BCAR1: variants seen among roughly 807,000 people sequenced by gnomAD.
BCAR1 encodes the protein BCAR1 scaffold protein, Cas family member, also known as breast cancer anti-estrogen resistance protein 1.
BCAR1 carries 30 observed loss-of-function variants against 67.6 expected under a neutral mutation model. That is an observed-to-expected ratio of 0.44 (90% CI 0.33 to 0.60). The LOEUF (loss-of-function observed/expected upper bound fraction) is 0.60, where lower values mean the gene tolerates loss of function less well. Ranked by LOEUF, BCAR1 falls within the 20% of genes least tolerant of loss-of-function variation. The probability of loss-of-function intolerance (pLI) is 0.02; values close to 1 mark genes in which losing one functional copy is unlikely to be tolerated. For synonymous variants in BCAR1, 626 were observed against 556.7 expected, an observed-to-expected ratio of 1.12 and a Z score of -1.75; for missense variants, 1,313 against 1,222.3, an observed-to-expected ratio of 1.07 and a Z score of -1.11.
intron 1 of BCAR1, chr16:75,264,000 C>T: frequency 8.3e-7 from 1 of 1,198,376 alleles, no homozygotes; most frequent in Non-Finnish European, 1.0e-6. Flanking sequence ...AAGACCTCTG[C>T]CCACCCCCAG....
intron 1 of BCAR1, among the ~76,000 whole-genome samples, chr16:75,260,403 C>T (rs1021970110): frequency 6.6e-6 from 1 of 151,966 alleles, no homozygotes; most frequent in African/African-American, 2.4e-5. Flanking sequence ...CTTCAGGAGG[C>T]GGAGGCAGAC....
chr16:75,238,413 A>T (rs1184419170), intron 2 of BCAR1: 19 of 1,056,072 alleles, frequency 1.8e-5, no homozygotes, highest in Non-Finnish European at 2.2e-5. Flanking sequence ...CTCCCCGCAC[A>T]TCCCCCAGGG....
At chr16:75,251,065 C>A (rs1403545154) in intron 1 of BCAR1, 16 of 808,788 alleles carry the variant, frequency 2.0e-5, no homozygotes, top group Non-Finnish European at 2.4e-5. Context: ...AGTCCCCACG[C>A]CACACCAGCC....
chr16:75,238,291 G>A (rs962237901), intron 2 of BCAR1: 2 of 1,156,220 alleles, frequency 1.7e-6, no homozygotes, highest in Non-Finnish European at 2.2e-6. Context: ...CAGCCCCCGG[G>A]CACACTGCGC....
upstream of BCAR1, chr16:75,252,538 C>G: frequency 1.1e-6 from 1 of 889,550 alleles, no homozygotes; most frequent in Non-Finnish European, 1.6e-6. Flanking sequence ...GTGCCAGAGC[C>G]CCTGGGCCAG....
At chr16:75,238,305 C>T in intron 2 of BCAR1, 1 of 1,145,480 alleles carries the variant, frequency 8.7e-7, no homozygotes, top group Non-Finnish European at 1.1e-6. Flanking sequence ...ACTGCGCCCA[C>T]ACGCCTCCAC....
chr16:75,238,803 C>CAGCGGGGCA (rs1567600897), intron 2 of BCAR1: 2 of 985,446 alleles, frequency 2.0e-6, no homozygotes, highest in African/African-American at 3.5e-5. Context: ...GACCTGCCAA[C>CAGCGGGGCA]AGCGGGGCAG....
chr16:75,267,871 C>A, intron 1 of BCAR1: 1 of 1,565,562 alleles, frequency 6.4e-7, no homozygotes, highest in Non-Finnish European at 8.7e-7. Context: ...GTAACTCAGC[C>A]CTTAGCAGGG....
At chr16:75,254,021 G>A (rs939776713), upstream of BCAR1, among the ~76,000 whole-genome samples, 12 of 149,936 alleles carry the variant, frequency 8.0e-5, no homozygotes, top group Non-Finnish European at 1.5e-4. Context: ...GGCTGGTCTC[G>A]AACTCCTGAC....
intron 1 of BCAR1, chr16:75,264,757 G>T: frequency 2.5e-6 from 2 of 807,446 alleles, no homozygotes; most frequent in Non-Finnish European, 3.2e-6. Flanking sequence ...CCCACTGCCT[G>T]CTTCACGGAA....
intron 1 of BCAR1, among the ~76,000 whole-genome samples, chr16:75,265,523 G>A (rs1156920168): frequency 1.3e-5 from 2 of 152,092 alleles, no homozygotes; most frequent in Admixed American, 1.3e-4. Context: ...GCTGTCCCAG[G>A]GGTTTCCCGG....
At chr16:75,253,739 G>T (rs1286711424), upstream of BCAR1, among the ~76,000 whole-genome samples, 1 of 152,050 alleles carries the variant, frequency 6.6e-6, no homozygotes, top group Admixed American at 6.6e-5. Flanking sequence ...TGGGGATGTA[G>T]CTGGGGGGTG....
upstream of BCAR1, among the ~76,000 whole-genome samples, chr16:75,255,369 T>C (rs1048568745): frequency 2.6e-5 from 4 of 152,076 alleles, no homozygotes; most frequent in Non-Finnish European, 5.9e-5. Flanking sequence ...AGAAACGGTA[T>C]CTCTGGAGGG....
intron 3 of BCAR1, 82 bp from the exon 4 acceptor site, chr16:75,237,080 C>T (rs934786291): frequency 1.0e-4 from 151 of 1,514,124 alleles, no homozygotes; most frequent in Non-Finnish European, 1.3e-4. Flanking sequence ...AGCACCGTCC[C>T]CAGGCCTGGC....
At chr16:75,264,318 T>C in intron 1 of BCAR1, 2 of 1,449,344 alleles carry the variant, frequency 1.4e-6, no homozygotes, top group East Asian at 2.6e-5. Context: ...GTGGCCAGAG[T>C]GACATTCCCT....
chr16:75,236,803 C>G (rs780262071), intron 4 of BCAR1, 79 bp downstream of exon 4: 1 of 1,517,452 alleles, frequency 6.6e-7, no homozygotes, highest in South Asian at 1.4e-5. Flanking sequence ...CCTGCAGACA[C>G]TGGTCAGCAC....
At position 75,251,465 on chromosome 16, in the gene BCAR1, C is replaced by T; in HGVS notation, c.12+6G>A. ...TACGCGGCCCGGCCCCACCTGGCGCCCTCACCAGGTGGTTCATGGTGTCCG... is the reference window on the plus strand; with the variant it reads ...TACGCGGCCCGGCCCCACCTGGCGCTCTCACCAGGTGGTTCATGGTGTCCG... On this transcript the variant is annotated splice_donor_region_variant and intron_variant, in intron 1 of 6. Coordinates refer to ENST00000162330, the MANE Select transcript of BCAR1 (RefSeq NM_014567.5). 3.5e-6 allele frequency: 5 copies of T among 1,449,084 alleles called. No individual in the cohort carries two copies. Among genetic ancestry groups the T allele is most frequent in the Non-Finnish European group, 4.5e-6 (5 of 1,100,278 alleles). The allele number at this position is 1,449,084 out of a possible 1,614,324, so 89.8% of individuals were successfully genotyped here.
Position 75,243,027 on chromosome 16 carries a change from T to G in BCAR1, c.76A>C (p.Lys26Gln). 1 of 1,611,216 alleles carries G rather than the reference T, an allele frequency of 6.2e-7. No individual in the cohort carries two copies. The highest frequency in any genetic ancestry group is 8.5e-7 in the Non-Finnish European group (1 of 1,177,934). The change falls in exon 2 of 7, where the codon AAG (lysine) becomes CAG (glutamine). Residue 26 changes from lysine (K) to glutamine (Q), a missense_variant. Coordinates refer to ENST00000162330, the MANE Select transcript of BCAR1 (RefSeq NM_014567.5). The part of the protein sequence containing the change: ...AESPDELSFR[K>Q]GDIMTVLEQD... ...TCCAGCACCGTCATGATGTCACCCT[T>G]GCGGAAGGAGAGCTCATCCGGGGAC...
intron 1 of BCAR1, chr16:75,248,446 C>T: frequency 5.4e-6 from 5 of 931,754 alleles, no homozygotes; most frequent in South Asian, 2.4e-5. Context: ...AGCATGCGCC[C>T]AACTGGCCAT....
Sources: gnomAD v4.1 joint callset for allele counts (sites outside exome capture counted in the v4.1 genomes callset) on GRCh38, gnomAD v4.1.1 for gene constraint, MANE v1.5 for transcripts, NCBI Gene and HGNC (gene_info 2026-07-23, HGNC 2026-07-21) for gene names.